HDAC8: variants seen among roughly 807,000 people sequenced by gnomAD.
The protein encoded by HDAC8 is histone deacetylase 8.
A neutral mutation model predicts 32.2 loss-of-function variants in HDAC8; 1 was observed. That is an observed-to-expected ratio of 0.03 (90% CI 0.01 to 0.15). The LOEUF (loss-of-function observed/expected upper bound fraction) is 0.15, where lower values mean the gene tolerates loss of function less well. Ranked by LOEUF, HDAC8 falls within the 10% of genes least tolerant of loss-of-function variation. HDAC8 has a pLI of 1.00. For synonymous variants in HDAC8, 108 were observed against 113.9 expected, an observed-to-expected ratio of 0.95 and a Z score of 0.33; for missense variants, 117 against 300.0, an observed-to-expected ratio of 0.39 and a Z score of 4.51.
intron 9 of HDAC8, among the ~76,000 whole-genome samples, chrX:72,379,005 C>T (rs1222864040): frequency 9.1e-6 from 1 of 109,825 alleles, no homozygotes; most frequent in African/African-American, 3.3e-5. Flanking sequence ...TTACAGGCAC[C>T]CACCACCACG....
intron 4 of HDAC8, among the ~76,000 whole-genome samples, chrX:72,536,486 ATT>A (rs1282192778): frequency 8.9e-6 from 1 of 112,040 alleles, no homozygotes. Flanking sequence ...TGAAACTCAC[ATT>A]TTTTCTCTCA....
intron 4 of HDAC8, among the ~76,000 whole-genome samples, chrX:72,507,514 A>G (rs1290014949): frequency 8.9e-6 from 1 of 112,022 alleles, no homozygotes; most frequent in East Asian, 2.8e-4. Flanking sequence ...ACACTGACAC[A>G]TTATTCCAAG....
chrX:72,365,521 T>C (rs1274613378), intron 9 of HDAC8, among the ~76,000 whole-genome samples: 3 of 111,237 alleles, frequency 2.7e-5, no homozygotes, highest in African/African-American at 9.8e-5. Flanking sequence ...TAAGGCTTCA[T>C]GGAGGAGATG....
At chrX:72,472,078 T>A (rs1451087088) in intron 7 of HDAC8, among the ~76,000 whole-genome samples, 5 of 108,862 alleles carry the variant, frequency 4.6e-5, no homozygotes, top group African/African-American at 6.6e-5. Flanking sequence ...ATTTATTTTT[T>A]TTTTTTTGAG....
chrX:72,491,142 TA>T (rs1179423883), intron 5 of HDAC8, 136 bp from the exon 6 acceptor site: 30 of 430,601 alleles, frequency 7.0e-5, no homozygotes, highest in African/African-American at 6.7e-4. Context: ...AGCTGAGGAA[TA>T]AAAGTAATAC....
At chrX:72,429,497 G>A (rs539007503) in intron 9 of HDAC8, among the ~76,000 whole-genome samples, 4 of 112,193 alleles carry the variant, frequency 3.6e-5, no homozygotes, top group African/African-American at 9.7e-5. Context: ...GCTAGGCAGC[G>A]ATGCTATCTC....
intron 9 of HDAC8, among the ~76,000 whole-genome samples, chrX:72,374,210 T>C (rs1555957288): frequency 9.0e-6 from 1 of 111,323 alleles, no homozygotes; most frequent in Non-Finnish European, 1.9e-5. Context: ...CATGCCCACC[T>C]AATTTTTTAA....
At chrX:72,412,753 G>T (rs370713353) in intron 9 of HDAC8, among the ~76,000 whole-genome samples, 4 of 112,005 alleles carry the variant, frequency 3.6e-5, no homozygotes, top group Admixed American at 2.8e-4. Context: ...GAGATATTAA[G>T]GTATCAAGAA....
chrX:72,410,088 C>A (rs1047177370), intron 9 of HDAC8, among the ~76,000 whole-genome samples: 4 of 110,658 alleles, frequency 3.6e-5, no homozygotes, highest in Non-Finnish European at 7.6e-5. Flanking sequence ...CTTTACTGAG[C>A]TACAAAGGCT....
At chrX:72,448,744 A>T (rs1297102924) in intron 9 of HDAC8, among the ~76,000 whole-genome samples, 1 of 112,131 alleles carries the variant, frequency 8.9e-6, no homozygotes, top group Non-Finnish European at 1.9e-5. Context: ...ACAAGGAAAA[A>T]ACAAACATCA....
chrX:72,492,399 A>G lies in HDAC8; in HGVS notation c.551-1393T>C, dbSNP rs782676698. On this transcript the variant is annotated intron_variant, in intron 5 of 10. Transcript: ENST00000373573. ...TACCACTAGGCACAGTTATAAAATCATATTTAAAAAGGAGATGTACACAGA... is the reference window on the plus strand; with the variant it reads ...TACCACTAGGCACAGTTATAAAATCGTATTTAAAAAGGAGATGTACACAGA... Among the ~76,000 whole-genome samples, 236 of 111,722 alleles carry G rather than the reference A, an allele frequency of 2.1e-3. 6 individuals carry two copies. Among genetic ancestry groups the G allele is most frequent in the East Asian group, 8.4e-4 (3 of 3,556 alleles).
At chrX:72,347,868 A>AAGAC (rs1411386244) in intron 10 of HDAC8, among the ~76,000 whole-genome samples, 1 of 111,973 alleles carries the variant, frequency 8.9e-6, no homozygotes, top group Non-Finnish European at 1.9e-5. Context: ...ACATGCCTTC[A>AAGAC]AGACAGCTCA....
intron 9 of HDAC8, among the ~76,000 whole-genome samples, chrX:72,364,578 C>T (rs2044645131): frequency 8.9e-6 from 1 of 111,927 alleles, no homozygotes; most frequent in Admixed American, 9.5e-5. Context: ...AAAGTCCCAC[C>T]ATACAATAAG....
chrX:72,428,563 G>C (rs2046718350), intron 9 of HDAC8, among the ~76,000 whole-genome samples: 1 of 111,855 alleles, frequency 8.9e-6, no homozygotes, highest in East Asian at 2.8e-4. Flanking sequence ...GGAAGTGAGT[G>C]GTCTGAAAGA....
intron 4 of HDAC8, among the ~76,000 whole-genome samples, chrX:72,540,936 G>T (rs1416661460): frequency 1.8e-5 from 2 of 111,278 alleles, no homozygotes; most frequent in Non-Finnish European, 3.8e-5. Flanking sequence ...TACGAGCTGG[G>T]GCCTTGTATG....
chrX:72,455,733 G>T (rs1206650758), intron 9 of HDAC8, among the ~76,000 whole-genome samples: 1 of 111,799 alleles, frequency 8.9e-6, no homozygotes, highest in Non-Finnish European at 1.9e-5. Context: ...AGTGAGATCG[G>T]TGGTGAGATC....
In HDAC8 at chrX:72,426,522, G is replaced by T. The variant is rs191589380; in HGVS notation, c.1005+35482C>A. ...ATTAAAATTTTAAGTGGAGGATTTG[G>T]TTTTTAACAATGCCTAGTCAAAATA... is the stretch of plus-strand genomic sequence containing the variant. On this transcript the variant is annotated intron_variant, in intron 9 of 10. Coordinates refer to ENST00000373573, the MANE Select transcript of HDAC8 (RefSeq NM_018486.3). Among the ~76,000 whole-genome samples, 125 of 112,138 alleles carry T rather than the reference G, an allele frequency of 1.1e-3. 1 individual carries two copies. The South Asian group carries it at 0.044, about 40-fold the overall frequency.
Position 72,329,671 on chromosome X carries a change from C to G in HDAC8, c.*383G>C, listed in dbSNP as rs1438100499. 8.4e-7 allele frequency: 1 copy of G among 1,187,862 alleles called. No homozygotes were observed. Among genetic ancestry groups the G allele is most frequent in the Non-Finnish European group, 1.1e-6 (1 of 883,164 alleles). On this transcript the variant is annotated 3_prime_UTR_variant, in exon 11 of 11. Transcript: ENST00000373573. ...GGCCCAAACCCTGCCTGTCAGCTGC[C>G]TCCTGCCCTACAAACTGGTGACTGC...
chrX:72,532,602 A>G (rs1188518041), intron 4 of HDAC8, among the ~76,000 whole-genome samples: 1 of 108,625 alleles, frequency 9.2e-6, no homozygotes, highest in African/African-American at 3.4e-5. Flanking sequence ...TCCTTAGCTC[A>G]TCATTTCCCT....
Sources: gnomAD v4.1 joint callset for allele counts (sites outside exome capture counted in the v4.1 genomes callset) on GRCh38, gnomAD v4.1.1 for gene constraint, MANE v1.5 for transcripts, NCBI Gene and HGNC (gene_info 2026-07-23, HGNC 2026-07-21) for gene names.